PDE4D: variants seen among roughly 807,000 people sequenced by gnomAD.
The protein encoded by PDE4D is 3',5'-cyclic-AMP phosphodiesterase 4D.
Under a neutral mutation model 87.4 loss-of-function variants are expected in PDE4D, and 24 were observed. That is an observed-to-expected ratio of 0.27 (90% CI 0.20 to 0.39). The LOEUF (loss-of-function observed/expected upper bound fraction) is 0.39, where lower values mean the gene tolerates loss of function less well. PDE4D is among the 10% of genes least tolerant of loss of function. PDE4D has a pLI of 1.00. For missense variants in PDE4D, 714 were observed against 1,041.0 expected, an observed-to-expected ratio of 0.69 and a Z score of 4.32; for synonymous variants, 384 against 383.2, an observed-to-expected ratio of 1.00 and a Z score of -0.02.
chr5:60,329,274 A>G (rs1757096835), intron 1 of PDE4D, among the ~76,000 whole-genome samples: 1 of 152,178 alleles, frequency 6.6e-6, no homozygotes, highest in South Asian at 2.1e-4. Context: ...TGCAGTTCTT[A>G]TAATGGTGAG....
At chr5:59,569,770 T>A (rs1821518186) in intron 1 of PDE4D, among the ~76,000 whole-genome samples, 1 of 152,260 alleles carries the variant, frequency 6.6e-6, no homozygotes, top group South Asian at 2.1e-4. Context: ...AACCACTTTA[T>A]ATGTGACAAG....
chr5:60,389,340 A>T (rs1214283058), intron 1 of PDE4D, among the ~76,000 whole-genome samples: 2 of 152,184 alleles, frequency 1.3e-5, no homozygotes, highest in Admixed American at 1.3e-4. Flanking sequence ...GCATATGTGC[A>T]TTTTTCGAAG....
intron 2 of PDE4D, among the ~76,000 whole-genome samples, chr5:59,195,936 T>C (rs1363924285): frequency 6.6e-6 from 1 of 152,098 alleles, no homozygotes; most frequent in East Asian, 1.9e-4. Flanking sequence ...GACAGGTCTA[T>C]AAAAGATTGA....
At chr5:59,039,298 G>A in intron 5 of PDE4D, 1 of 1,067,236 alleles carries the variant, frequency 9.4e-7, no homozygotes, top group Non-Finnish European at 1.1e-6. Context: ...CTGTGCGGCG[G>A]GCCCGAGTCC....
At chr5:60,381,668 AG>A (rs1348867851) in intron 1 of PDE4D, among the ~76,000 whole-genome samples, 2 of 152,204 alleles carry the variant, frequency 1.3e-5, no homozygotes, top group African/African-American at 2.4e-5. Context: ...GGGTAAAGAA[AG>A]AAGCCGAGGA....
intron 1 of PDE4D, among the ~76,000 whole-genome samples, chr5:59,500,182 G>A (rs1386474994): frequency 7.1e-6 from 1 of 141,752 alleles, no homozygotes; most frequent in African/African-American, 2.8e-5. Flanking sequence ...TTCAGCCACT[G>A]TGGAAAACAG....
intron 1 of PDE4D, among the ~76,000 whole-genome samples, chr5:59,627,415 G>A (rs938549243): frequency 6.6e-6 from 1 of 152,158 alleles, no homozygotes; most frequent in Non-Finnish European, 1.5e-5. Context: ...TTCCAAAACT[G>A]GAGCATATTC....
intron 1 of PDE4D, among the ~76,000 whole-genome samples, chr5:59,302,437 G>A (rs532548491): frequency 3.9e-5 from 6 of 152,164 alleles, no homozygotes; most frequent in African/African-American, 1.2e-4. Flanking sequence ...ATATAAGTAA[G>A]TTCTTTAGTG....
At chr5:60,006,156 T>C (rs1764452346) in intron 2 of PDE4D, among the ~76,000 whole-genome samples, 1 of 151,860 alleles carries the variant, frequency 6.6e-6, no homozygotes, top group African/African-American at 2.4e-5. Context: ...GAAATATGGG[T>C]AAAGGTACAG....
intron 3 of PDE4D, among the ~76,000 whole-genome samples, chr5:59,935,002 A>T (rs753614914): frequency 6.6e-6 from 1 of 152,188 alleles, no homozygotes; most frequent in Non-Finnish European, 1.5e-5. Context: ...ATTTTGATAA[A>T]GGGAACAATA....
At chr5:59,449,432 CT>C (rs1306680802) in intron 1 of PDE4D, among the ~76,000 whole-genome samples, 1 of 152,168 alleles carries the variant, frequency 6.6e-6, no homozygotes, top group Non-Finnish European at 1.5e-5. Flanking sequence ...CGTTATAAAA[CT>C]TTAAAAATGC....
chr5:60,034,827 G>T (rs1338793803), intron 2 of PDE4D, among the ~76,000 whole-genome samples: 1 of 152,146 alleles, frequency 6.6e-6, no homozygotes, highest in Non-Finnish European at 1.5e-5. Flanking sequence ...GATTCAAAAT[G>T]TTTAAAAACT....
At chr5:59,993,634 C>T (rs1763233561) in intron 2 of PDE4D, among the ~76,000 whole-genome samples, 1 of 152,046 alleles carries the variant, frequency 6.6e-6, no homozygotes, top group African/African-American at 2.4e-5. Context: ...CTCTCCTGTG[C>T]AATATTGGTA....
intron 1 of PDE4D, among the ~76,000 whole-genome samples, chr5:59,379,960 T>G (rs938433278): frequency 1.4e-4 from 21 of 152,092 alleles, no homozygotes; most frequent in Admixed American, 1.2e-3. Context: ...ACCCAGTAGG[T>G]AGAGTTTCCT....
At chr5:59,572,129 C>T (rs1561234290) in intron 1 of PDE4D, among the ~76,000 whole-genome samples, 2 of 152,320 alleles carry the variant, frequency 1.3e-5, no homozygotes, top group East Asian at 3.9e-4. Context: ...CACTCTTACA[C>T]AACAAATGTC....
intron 1 of PDE4D, among the ~76,000 whole-genome samples, chr5:60,282,886 T>C (rs547575590): frequency 2.3e-4 from 35 of 152,324 alleles, no homozygotes; most frequent in African/African-American, 7.0e-4. Flanking sequence ...TTTGAGAACA[T>C]AGTCCGAAAT....
Position 59,503,656 on chromosome 5 carries a change from C to G in PDE4D, c.456-287688G>C, listed in dbSNP as rs1808718135. 1.3e-5 allele frequency among the ~76,000 whole-genome samples: 2 copies of G among 152,080 alleles called. 1 individual carries two copies. Among genetic ancestry groups the G allele is most frequent in the Admixed American group, 1.3e-4 (2 of 15,250 alleles). Reference sequence around the variant, plus strand: ...GCTTCTAAATTATTCTACTGTGTTTCACTATAATTTTCAAGTTTGGTTTCA... The same window carrying G: ...GCTTCTAAATTATTCTACTGTGTTTGACTATAATTTTCAAGTTTGGTTTCA... On this transcript the variant is annotated intron_variant, in intron 1 of 14. Coordinates refer to ENST00000340635, the MANE Select transcript of PDE4D (RefSeq NM_001104631.2).
chr5:60,447,181 T>C (rs573301438), intron 1 of PDE4D, among the ~76,000 whole-genome samples: 1 of 152,160 alleles, frequency 6.6e-6, no homozygotes, highest in Admixed American at 6.5e-5. Flanking sequence ...TCTCATCCAT[T>C]GCCAATATAA....
intron 1 of PDE4D, among the ~76,000 whole-genome samples, chr5:59,511,827 C>T (rs960792126): frequency 1.3e-5 from 2 of 152,220 alleles, no homozygotes; most frequent in Admixed American, 1.3e-4. Context: ...GGCCAAGTTA[C>T]AGCCCGTTGG....
Sources: gnomAD v4.1 joint callset for allele counts (sites outside exome capture counted in the v4.1 genomes callset) on GRCh38, gnomAD v4.1.1 for gene constraint, MANE v1.5 for transcripts, NCBI Gene and HGNC (gene_info 2026-07-23, HGNC 2026-07-21) for gene names.